FBXO34: variants seen among roughly 807,000 people sequenced by gnomAD.
The protein encoded by FBXO34 is F-box protein 34.
In FBXO34, 12 loss-of-function variants were observed where a neutral mutation model predicts 24.5. The observed-to-expected ratio is 0.49, with a 90% CI of 0.31 to 0.79. FBXO34 has a LOEUF of 0.79. FBXO34 is among the 30% of genes least tolerant of loss of function. FBXO34 has a pLI of 0.04. For missense variants in FBXO34, 823 were observed against 857.7 expected (o/e 0.96, Z 0.51); for synonymous variants, 320 against 311.9 (o/e 1.03, Z -0.27).
At chr14:55,292,624 C>T (rs756742869) in intron 1 of FBXO34, among the ~76,000 whole-genome samples, 4 of 151,866 alleles carry the variant, frequency 2.6e-5, no homozygotes, top group Non-Finnish European at 4.4e-5. Context: ...AAAGTGCTGG[C>T]GTTACAGGTG....
chr14:55,320,765 ATAT>A (rs1402663981), intron 1 of FBXO34, among the ~76,000 whole-genome samples: 2 of 152,198 alleles, frequency 1.3e-5, no homozygotes, highest in African/African-American at 2.4e-5. Flanking sequence ...TAAAATATAT[ATAT>A]AAAGTTTTAA....
chr14:55,386,162 A>T, the FBXO34 span: 1 of 1,325,124 alleles, frequency 7.5e-7, no homozygotes, highest in Admixed American at 2.2e-5. Flanking sequence ...GCAGAGCTCC[A>T]CCCCACAAAC....
At chr14:55,394,005 ATTT>A in the FBXO34 span, among the ~76,000 whole-genome samples, 3 of 138,894 alleles carry the variant, frequency 2.2e-5, no homozygotes, top group Non-Finnish European at 1.6e-5. Context: ...CAGTATCATA[ATTT>A]TTTTTTTTTT....
chr14:55,422,541 G>A, the FBXO34 span, among the ~76,000 whole-genome samples: 2 of 152,026 alleles, frequency 1.3e-5, no homozygotes, highest in Middle Eastern at 3.2e-3. Context: ...GAGCCACCGC[G>A]CCCGGTCATA....
intron 1 of FBXO34, among the ~76,000 whole-genome samples, chr14:55,341,627 C>T (rs1365057635): frequency 5.9e-5 from 9 of 152,130 alleles, no homozygotes; most frequent in Non-Finnish European, 1.5e-5. Context: ...TGGTAATGCT[C>T]AATGTATTTT....
At chr14:55,384,903 A>G in the FBXO34 span, among the ~76,000 whole-genome samples, 1 of 152,244 alleles carries the variant, frequency 6.6e-6, no homozygotes, top group African/African-American at 2.4e-5. Flanking sequence ...AAATATTACA[A>G]GATGGACTGG....
chr14:55,375,472 A>G, the FBXO34 span, among the ~76,000 whole-genome samples: 43 of 141,640 alleles, frequency 3.0e-4, no homozygotes, highest in Non-Finnish European at 5.0e-4. Flanking sequence ...ACAGGCATGC[A>G]TTACCACGCC....
At chr14:55,389,221 G>C in the FBXO34 span, among the ~76,000 whole-genome samples, 5 of 152,306 alleles carry the variant, frequency 3.3e-5, no homozygotes, top group East Asian at 9.6e-4. Context: ...AGAGAAACAC[G>C]CATGATCAGT....
chr14:55,377,628 G>A, the FBXO34 span, among the ~76,000 whole-genome samples: 1 of 152,070 alleles, frequency 6.6e-6, no homozygotes, highest in Admixed American at 6.5e-5. Flanking sequence ...TTTTTTCTAA[G>A]ACATGATTAC....
chr14:55,414,216 A>G, the FBXO34 span: 3 of 589,320 alleles, frequency 5.1e-6, no homozygotes, highest in Non-Finnish European at 6.0e-6. Flanking sequence ...GTCATTTTGA[A>G]TAAGAATTTT....
chr14:55,350,606 T>A lies in FBXO34; in HGVS notation c.216T>A (p.Ser72Arg). The A allele has an allele frequency of 6.2e-7, 1 of 1,612,832 alleles. No homozygotes were observed. Among genetic ancestry groups the A allele is most frequent in the South Asian group, 1.1e-5 (1 of 90,956 alleles). ...TCCTTTCTCCAAATGTTCTGTGCAG[T>A]ATGAGTGGGAAGAGTCCTGTAGAGA... is the stretch of plus-strand genomic sequence containing the variant. ...FGILSPNVLC[S>R]MSGKSPVESS... The change falls in exon 2 of 2, where the codon AGT becomes AGA. Residue 72 changes from serine (S) to arginine (R), a missense_variant. Around this residue, in one of 2 missense-constraint regions of FBXO34, gnomAD observed 693 missense variants for 659.1 expected, o/e 1.05. Transcript: ENST00000313833.
the FBXO34 span, among the ~76,000 whole-genome samples, chr14:55,400,772 C>T: frequency 3.0e-4 from 45 of 151,986 alleles, no homozygotes; most frequent in Non-Finnish European, 3.1e-4. Context: ...GGTGTGGTGG[C>T]GGGCACCTGT....
the FBXO34 span, among the ~76,000 whole-genome samples, chr14:55,408,871 A>G: frequency 6.6e-6 from 1 of 152,240 alleles, no homozygotes; most frequent in Non-Finnish European, 1.5e-5. Context: ...TCAACCTTAG[A>G]GTCTAAATTA....
At chr14:55,361,409 C>T (rs867187472) in intron 3 of FBXO34, among the ~76,000 whole-genome samples, 1 of 152,172 alleles carries the variant, frequency 6.6e-6, no homozygotes, top group Non-Finnish European at 1.5e-5. Flanking sequence ...CTTTGTTGTT[C>T]CATTTACAGA....
At chr14:55,321,016 A>C (rs1394751353) in intron 1 of FBXO34, among the ~76,000 whole-genome samples, 1 of 152,178 alleles carries the variant, frequency 6.6e-6, no homozygotes, top group Non-Finnish European at 1.5e-5. Context: ...CTTTTGAGAA[A>C]ACCAAAAAAT....
chr14:55,370,525 A>G (rs1884790054), downstream of FBXO34, among the ~76,000 whole-genome samples: 1 of 152,216 alleles, frequency 6.6e-6, no homozygotes, highest in South Asian at 2.1e-4. Flanking sequence ...TTATTTCTCA[A>G]AGGTCCCTAA....
At chr14:55,358,714 G>C (rs1884554413) in intron 3 of FBXO34, among the ~76,000 whole-genome samples, 1 of 152,322 alleles carries the variant, frequency 6.6e-6, no homozygotes, top group South Asian at 2.1e-4. Context: ...CTGCCTGGTT[G>C]GGGGTAGTAG....
At chr14:55,355,740 A>C (rs1884513386), downstream of FBXO34, among the ~76,000 whole-genome samples, 1 of 152,184 alleles carries the variant, frequency 6.6e-6, no homozygotes, top group Admixed American at 6.5e-5. Flanking sequence ...CACTGCACTC[A>C]ACTCAGAGGG....
chr14:55,370,669 T>G (rs1209281266), downstream of FBXO34, among the ~76,000 whole-genome samples: 1 of 151,124 alleles, frequency 6.6e-6, no homozygotes, highest in Non-Finnish European at 1.5e-5. Flanking sequence ...TTAGACAGAG[T>G]CTCGTTCTGT....
Sources: gnomAD v4.1 joint callset for allele counts (sites outside exome capture counted in the v4.1 genomes callset) on GRCh38, gnomAD v4.1.1 for gene constraint, gnomAD v4.1.1 regional missense constraint, MANE v1.5 for transcripts, NCBI Gene and HGNC (gene_info 2026-07-23, HGNC 2026-07-21) for gene names.